The following ANO3 variants were observed in gnomAD, a reference collection of about 807,000 sequenced individuals.
ANO3 encodes anoctamin-3.
A neutral mutation model predicts 144.8 loss-of-function variants in ANO3; 99 were observed. The ratio of observed to expected loss-of-function variants is 0.68; its 90% CI spans 0.58 to 0.81. The LOEUF is 0.81. ANO3 is among the 30% of genes least tolerant of loss of function. The probability of loss-of-function intolerance (pLI) is 0.00; values close to 1 mark genes in which losing one functional copy is unlikely to be tolerated. For missense variants in ANO3, 905 were observed against 1,202.2 expected, an observed-to-expected ratio of 0.75 and a Z score of 3.66; for synonymous variants, 414 against 392.6, an observed-to-expected ratio of 1.05 and a Z score of -0.64.
intron 1 of ANO3, among the ~76,000 whole-genome samples, chr11:26,267,750 C>T (rs966081040): frequency 2.0e-5 from 3 of 152,138 alleles, no homozygotes; most frequent in African/African-American, 4.8e-5. Flanking sequence ...TTTTGCTCCT[C>T]AAAATGATCT....
intron 1 of ANO3, among the ~76,000 whole-genome samples, chr11:26,246,364 ATC>A (rs1214947889): frequency 6.6e-6 from 1 of 151,526 alleles, no homozygotes; most frequent in Non-Finnish European, 1.5e-5. Flanking sequence ...GTCAAAAAGG[ATC>A]TGTTAATGCA....
At chr11:26,211,307 A>T (rs1307497990) in intron 1 of ANO3, among the ~76,000 whole-genome samples, 1 of 152,178 alleles carries the variant, frequency 6.6e-6, no homozygotes, top group Non-Finnish European at 1.5e-5. Context: ...CTTTGAAAAT[A>T]ATGAGAACAA....
Position 26,476,600 on chromosome 11 carries a change from T to C in ANO3, c.432+13452T>C, listed in dbSNP as rs147381363. On this transcript the variant is annotated intron_variant, in intron 4 of 26. Coordinates refer to ENST00000256737, the MANE Select transcript of ANO3 (RefSeq NM_031418.4). The stretch of plus-strand genomic sequence containing the variant: ...AATTTGATTCTAAGTTTAAAGGTTT[T>C]TGGACGATCTCTGTTTTTATAAGAT... Among the ~76,000 whole-genome samples, 20 of 152,110 alleles carry C rather than the reference T, an allele frequency of 1.3e-4. No homozygotes were observed. In the East Asian group the frequency reaches 3.3e-3, roughly 25 times the overall value.
At chr11:26,430,074 T>A (rs552039132) in intron 1 of ANO3, among the ~76,000 whole-genome samples, 10 of 152,056 alleles carry the variant, frequency 6.6e-5, no homozygotes, top group Non-Finnish European at 1.3e-4. Flanking sequence ...TGAAACCCAG[T>A]CTCTACCAAA....
At chr11:26,312,135 G>A (rs1455004698) in intron 1 of ANO3, among the ~76,000 whole-genome samples, 1 of 152,140 alleles carries the variant, frequency 6.6e-6, no homozygotes, top group Non-Finnish European at 1.5e-5. Flanking sequence ...CAGAATGATG[G>A]TTTCCAGTTT....
intron 14 of ANO3, among the ~76,000 whole-genome samples, chr11:26,578,374 TGACATAGGA>T (rs1476085276): frequency 2.6e-5 from 4 of 152,102 alleles, no homozygotes; most frequent in African/African-American, 7.2e-5. Flanking sequence ...CAGTACGTAT[TGACATAGGA>T]GACAAAGAGC....
Position 26,627,536 on chromosome 11 carries a change from G to C in ANO3, c.1873+3038G>C, listed in dbSNP as rs904878397. Among the ~76,000 whole-genome samples, 2 of 152,016 alleles carry C rather than the reference G, an allele frequency of 1.3e-5. 1 individual carries two copies. The highest frequency in any genetic ancestry group is 2.9e-5 in the Non-Finnish European group (2 of 68,016). ...TCTTCAGTTGGGTAATGAAGCACTA[G>C]CTCTGTTCCTTACATTCATTTGCTT... On this transcript the variant is annotated intron_variant, in intron 18 of 26. Coordinates refer to ENST00000256737, the MANE Select transcript of ANO3 (RefSeq NM_031418.4).
chr11:26,191,903 T>C (rs1851485686), intron 1 of ANO3, among the ~76,000 whole-genome samples: 4 of 152,186 alleles, frequency 2.6e-5, no homozygotes, highest in Admixed American at 2.6e-4. Context: ...AACTATATAG[T>C]ATGCCAATGA....
At chr11:26,639,033 A>T in intron 20 of ANO3, 111 bp from the exon 21 acceptor site, 1 of 681,418 alleles carries the variant, frequency 1.5e-6, no homozygotes, top group South Asian at 1.9e-5. Context: ...TTCTTTATGC[A>T]TGAGATGGTG....
chr11:26,330,076 G>C (rs768690473), upstream of ANO3, among the ~76,000 whole-genome samples: 10 of 151,764 alleles, frequency 6.6e-5, no homozygotes, highest in Admixed American at 2.6e-4. Flanking sequence ...ATTTAAAAGG[G>C]GGTTTTAAAC....
chr11:26,243,760 T>C (rs1412196329), intron 1 of ANO3, among the ~76,000 whole-genome samples: 1 of 152,052 alleles, frequency 6.6e-6, no homozygotes, highest in Admixed American at 6.6e-5. Flanking sequence ...TTTTAATAAT[T>C]CAAATATCTG....
chr11:26,220,210 A>G (rs1260293119), intron 1 of ANO3, among the ~76,000 whole-genome samples: 3 of 152,226 alleles, frequency 2.0e-5, no homozygotes, highest in Non-Finnish European at 2.9e-5. Flanking sequence ...GGTCTCATCA[A>G]ATCAATGTGG....
intron 1 of ANO3, among the ~76,000 whole-genome samples, chr11:26,437,476 G>C (rs140133287): frequency 0.011 from 1,750 of 152,312 alleles, 16 homozygotes; most frequent in Non-Finnish European, 0.018. Context: ...GTGTCACTCA[G>C]GGGTGGGTAG....
intron 1 of ANO3, among the ~76,000 whole-genome samples, chr11:26,323,356 G>A (rs1201010859): frequency 6.6e-6 from 1 of 152,074 alleles, no homozygotes; most frequent in Non-Finnish European, 1.5e-5. Flanking sequence ...GTTTTACTGT[G>A]TATGCATTTT....
At chr11:26,619,017 C>T (rs561672819) in intron 17 of ANO3, among the ~76,000 whole-genome samples, 2 of 152,294 alleles carry the variant, frequency 1.3e-5, no homozygotes, top group African/African-American at 4.8e-5. Context: ...TCTTCTGTTA[C>T]AGTGCTTAGG....
At chr11:26,342,179 T>C (rs937210216) in intron 1 of ANO3, among the ~76,000 whole-genome samples, 10 of 152,160 alleles carry the variant, frequency 6.6e-5, no homozygotes, top group African/African-American at 2.2e-4. Context: ...AAGGTACCTA[T>C]CTTGTTGGCA....
At chr11:26,659,121 C>A (rs1411822321) in intron 26 of ANO3, among the ~76,000 whole-genome samples, 1 of 151,578 alleles carries the variant, frequency 6.6e-6, no homozygotes, top group Non-Finnish European at 1.5e-5. Flanking sequence ...CACACATACA[C>A]AAACATGTAT....
At chr11:26,394,452 A>C (rs12795514) in intron 1 of ANO3, among the ~76,000 whole-genome samples, 17,391 of 152,064 alleles carry the variant, frequency 0.11, 1,212 homozygotes, top group Admixed American at 0.19. Flanking sequence ...ACTTTGGCCA[A>C]ATAGCAAAAC....
intron 1 of ANO3, among the ~76,000 whole-genome samples, chr11:26,293,260 G>A (rs1042292066): frequency 6.6e-6 from 1 of 151,682 alleles, no homozygotes; most frequent in Middle Eastern, 3.4e-3. Flanking sequence ...AAGGCATACA[G>A]GATCTAATTA....
Sources: gnomAD v4.1 joint callset for allele counts (sites outside exome capture counted in the v4.1 genomes callset) on GRCh38, gnomAD v4.1.1 for gene constraint, MANE v1.5 for transcripts, NCBI Gene and HGNC (gene_info 2026-07-23, HGNC 2026-07-21) for gene names.